DGKB: variants seen among roughly 807,000 people sequenced by gnomAD.
DGKB encodes the protein diacylglycerol kinase beta, also known as 90 kDa diacylglycerol kinase.
A neutral mutation model predicts 114.3 loss-of-function variants in DGKB; 67 were observed. The observed-to-expected ratio is 0.59, with a 90% CI of 0.48 to 0.72. The LOEUF (loss-of-function observed/expected upper bound fraction) is 0.72. Among genes scored for constraint, DGKB ranks in the 30% least tolerant of loss-of-function variants. DGKB has a pLI of 0.00. For synonymous variants in DGKB, 398 were observed against 323.1 expected (o/e 1.23, Z -2.49); for missense variants, 907 against 975.2 (o/e 0.93, Z 0.93).
intron 14 of DGKB, among the ~76,000 whole-genome samples, chr7:14,625,182 A>G (rs1808353798): frequency 6.6e-6 from 1 of 152,152 alleles, no homozygotes; most frequent in African/African-American, 2.4e-5. Flanking sequence ...TAAAATGGTA[A>G]GCATTCATTT....
intron 1 of DGKB, among the ~76,000 whole-genome samples, chr7:14,888,023 G>C (rs1265508804): frequency 6.6e-6 from 1 of 151,640 alleles, no homozygotes; most frequent in South Asian, 2.1e-4. Context: ...TTGGCTGCTT[G>C]AATAAGTAGA....
At chr7:14,626,007 C>A (rs1808507998) in intron 14 of DGKB, among the ~76,000 whole-genome samples, 1 of 151,710 alleles carries the variant, frequency 6.6e-6, no homozygotes, top group South Asian at 2.1e-4. Context: ...TCATCATAAA[C>A]AGAGAAGAAA....
intron 13 of DGKB, among the ~76,000 whole-genome samples, chr7:14,666,944 A>AT (rs1343670693): frequency 6.6e-6 from 1 of 152,008 alleles, no homozygotes; most frequent in Non-Finnish European, 1.5e-5. Context: ...GTAGGGAATC[A>AT]TTGTTTAATT....
intron 23 of DGKB, among the ~76,000 whole-genome samples, chr7:14,299,758 C>G (rs1303000445): frequency 6.6e-6 from 1 of 152,078 alleles, no homozygotes; most frequent in Non-Finnish European, 1.5e-5. Flanking sequence ...TGCTTTCACA[C>G]CTGCCGCTTC....
At position 14,929,580 on chromosome 7, in the gene DGKB, T is replaced by C. The variant is rs1401290895; in HGVS notation, c.-188+45116A>G. Among the ~76,000 whole-genome samples, 7 of 152,084 alleles carry C rather than the reference T, an allele frequency of 4.6e-5. No individual in the cohort carries two copies. In the South Asian group the frequency reaches 1.2e-3, roughly 27 times the overall value. On this transcript the variant is annotated intron_variant, in intron 1 of 4. Transcript: ENST00000437998. ...CTTTTTAATAAGATTATTTGTTTCG[T>C]TGTTGTTGAGTTATTTGAGTTCTTT...
chr7:14,530,712 A>G (rs928388372), intron 20 of DGKB, among the ~76,000 whole-genome samples: 2 of 151,518 alleles, frequency 1.3e-5, no homozygotes, highest in African/African-American at 4.8e-5. Flanking sequence ...CTTCTTGCCA[A>G]TCTCACAAAG....
chr7:14,867,586 T>C (rs1174929131), intron 1 of DGKB, among the ~76,000 whole-genome samples: 1 of 152,134 alleles, frequency 6.6e-6, no homozygotes, highest in Non-Finnish European at 1.5e-5. Context: ...TTTTTCAACC[T>C]CATTTGCTGC....
intron 2 of DGKB, among the ~76,000 whole-genome samples, chr7:14,770,890 G>A (rs921797653): frequency 2.6e-5 from 4 of 152,122 alleles, no homozygotes; most frequent in African/African-American, 9.7e-5. Context: ...AGGGTGGAAT[G>A]TAACAAAAGC....
At chr7:14,578,305 T>G (rs1486933158) in intron 19 of DGKB, among the ~76,000 whole-genome samples, 1 of 152,168 alleles carries the variant, frequency 6.6e-6, no homozygotes, top group East Asian at 1.9e-4. Context: ...TTTATAGCAG[T>G]GTGAGAACAA....
chr7:14,436,731 CAT>C lies in DGKB; in HGVS notation c.1835+41428_1835+41429del, dbSNP rs557353655. On this transcript the variant is annotated intron_variant, in intron 21 of 25. Transcript: ENST00000402815. ...CAGTGGTTCATTTGCAAGAGGTACA[CAT>C]GTTTCTACCACAAAACTCATTACAG... Among the ~76,000 whole-genome samples the C allele has an allele frequency of 6.8e-4, 104 of 152,210 alleles. 2 individuals are homozygous for C. In the South Asian group the frequency reaches 0.012, roughly 18 times the overall value.
intron 21 of DGKB, among the ~76,000 whole-genome samples, chr7:14,438,427 A>G (rs1279848942): frequency 6.6e-6 from 1 of 152,132 alleles, no homozygotes; most frequent in Non-Finnish European, 1.5e-5. Context: ...ACATTATTTA[A>G]AAAGGATCAA....
chr7:14,477,190 A>G (rs542482085), intron 21 of DGKB, among the ~76,000 whole-genome samples: 6 of 152,332 alleles, frequency 3.9e-5, no homozygotes, highest in African/African-American at 1.4e-4. Context: ...AGTTTTTAAC[A>G]GCATTTTATT....
At chr7:14,367,410 G>A (rs781766167) in intron 21 of DGKB, among the ~76,000 whole-genome samples, 1 of 151,948 alleles carries the variant, frequency 6.6e-6, no homozygotes, top group Non-Finnish European at 1.5e-5. Context: ...GTTTCATAAA[G>A]GGGAGATCCC....
chr7:14,155,284 C>A (rs879370234), intron 25 of DGKB, among the ~76,000 whole-genome samples: 5 of 152,020 alleles, frequency 3.3e-5, no homozygotes, highest in Admixed American at 6.6e-5. Flanking sequence ...TACTAGGTAC[C>A]AGCCTACCTT....
chr7:14,884,912 C>T (rs777784176), intron 1 of DGKB, among the ~76,000 whole-genome samples: 4 of 151,944 alleles, frequency 2.6e-5, no homozygotes, highest in Admixed American at 6.6e-5. Flanking sequence ...TCTCCTAAGC[C>T]TGCTTTCCTT....
At chr7:14,854,068 T>A (rs1849774800) in intron 1 of DGKB, among the ~76,000 whole-genome samples, 1 of 152,112 alleles carries the variant, frequency 6.6e-6, no homozygotes, top group Non-Finnish European at 1.5e-5. Flanking sequence ...ACATACTGTT[T>A]CCAAAAGTCT....
At chr7:14,654,523 A>G (rs900915865) in intron 13 of DGKB, among the ~76,000 whole-genome samples, 13 of 152,170 alleles carry the variant, frequency 8.5e-5, no homozygotes, top group African/African-American at 2.9e-4. Flanking sequence ...TTTTTCTTCA[A>G]ATAAATAGGG....
At chr7:14,615,945 C>A (rs1326233178) in intron 15 of DGKB, among the ~76,000 whole-genome samples, 1 of 151,314 alleles carries the variant, frequency 6.6e-6, no homozygotes, top group Non-Finnish European at 1.5e-5. Context: ...TTCTTAGTTT[C>A]TGAAACTCAG....
At chr7:14,797,299 G>A (rs1398594455) in intron 2 of DGKB, among the ~76,000 whole-genome samples, 1 of 152,080 alleles carries the variant, frequency 6.6e-6, no homozygotes, top group African/African-American at 2.4e-5. Context: ...TCTTGAGGAA[G>A]GACCCCAATG....
Sources: gnomAD v4.1 joint callset for allele counts (sites outside exome capture counted in the v4.1 genomes callset) on GRCh38, gnomAD v4.1.1 for gene constraint, MANE v1.5 for transcripts, NCBI Gene and HGNC (gene_info 2026-07-23, HGNC 2026-07-21) for gene names.